Variants in DCLK1 observed in about 807,000 individuals in gnomAD.
DCLK1 encodes doublecortin like kinase 1.
In DCLK1, 16 loss-of-function variants were observed where a neutral mutation model predicts 86.2. The ratio of observed to expected loss-of-function variants is 0.19; its 90% confidence interval spans 0.13 to 0.28. DCLK1 has a LOEUF of 0.28. DCLK1 is among the 10% of genes least tolerant of loss of function. The pLI is 1.00. For missense variants in DCLK1, 590 were observed against 940.2 expected (o/e 0.63, Z 4.87); for synonymous variants, 369 against 370.5 (o/e 1.00, Z 0.05).
In DCLK1 at chr13:35,774,731, A is replaced by G. The variant is rs765730243; in HGVS notation, c.2059-32T>C. On this transcript the variant is annotated intron_variant, in intron 16 of 16. Coordinates refer to ENST00000360631, the MANE Select transcript of DCLK1 (RefSeq NM_001330071.2). Reference sequence around the variant, plus strand: ...GGGGCATAAAATGAGAAAGAGGACAATTAGGGCGAGGGAAATGGCAAAACA... The same window carrying G: ...GGGGCATAAAATGAGAAAGAGGACAGTTAGGGCGAGGGAAATGGCAAAACA... 7 of 1,597,994 alleles carry G rather than the reference A, an allele frequency of 4.4e-6. No homozygotes were observed. The East Asian group carries it at 1.6e-4, about 36-fold the overall frequency.
upstream of DCLK1, chr13:36,131,416 C>T (rs1886359476): frequency 5.2e-6 from 1 of 191,756 alleles, no homozygotes; most frequent in Non-Finnish European, 1.0e-5. Flanking sequence ...CTTTTCTTGT[C>T]TCACTCGCTC....
At chr13:35,810,352 C>T (rs2087117327) in intron 12 of DCLK1, among the ~76,000 whole-genome samples, 1 of 152,132 alleles carries the variant, frequency 6.6e-6, no homozygotes, top group African/African-American at 2.4e-5. Context: ...CCAGGAAATT[C>T]CCAATGGTCC....
chr13:36,097,813 C>T (rs996442471), intron 3 of DCLK1, among the ~76,000 whole-genome samples: 3 of 151,780 alleles, frequency 2.0e-5, no homozygotes, highest in Non-Finnish European at 4.4e-5. Flanking sequence ...AGCAGGCACA[C>T]CAATAAAGCT....
At chr13:35,903,828 T>C (rs758793044) in intron 4 of DCLK1, among the ~76,000 whole-genome samples, 1 of 152,240 alleles carries the variant, frequency 6.6e-6, no homozygotes, top group Non-Finnish European at 1.5e-5. Context: ...TTGTGATCCA[T>C]ATGCCAAAAG....
At chr13:35,867,966 A>AAAGAAAGG (rs1483381630) in intron 5 of DCLK1, among the ~76,000 whole-genome samples, 40 of 146,706 alleles carry the variant, frequency 2.7e-4, no homozygotes, top group African/African-American at 1.0e-3. Flanking sequence ...AGAAAGAAAG[A>AAAGAAAGG]GAAAAAGAAA....
At chr13:35,810,770 T>A (rs1363136575) in intron 12 of DCLK1, 65 bp downstream of exon 12, 4 of 1,582,596 alleles carry the variant, frequency 2.5e-6, no homozygotes, top group Admixed American at 1.8e-5. Context: ...GTACTATTTT[T>A]CCTATTCTCG....
chr13:35,930,621 C>CA (rs1377723653), intron 4 of DCLK1, among the ~76,000 whole-genome samples: 2 of 150,602 alleles, frequency 1.3e-5, no homozygotes, highest in African/African-American at 5.0e-5. Context: ...CAAACAAAAA[C>CA]AAACAAAAAC....
At chr13:35,974,914 A>G (rs1416669451) in intron 3 of DCLK1, among the ~76,000 whole-genome samples, 2 of 152,216 alleles carry the variant, frequency 1.3e-5, no homozygotes, top group Non-Finnish European at 1.5e-5. Flanking sequence ...GTACTTTGTT[A>G]TGGAGGCCCT....
intron 3 of DCLK1, among the ~76,000 whole-genome samples, chr13:35,994,355 G>C (rs1289860622): frequency 2.0e-5 from 3 of 152,144 alleles, no homozygotes; most frequent in Non-Finnish European, 4.4e-5. Flanking sequence ...TTCTTTTCTA[G>C]CTGTAAGCTT....
At chr13:35,846,847 C>A in intron 6 of DCLK1, 1 of 985,050 alleles carries the variant, frequency 1.0e-6, no homozygotes, top group South Asian at 4.7e-5. Context: ...TAGATATATA[C>A]ACACATACAG....
At chr13:35,900,242 CTT>C (rs71081294) in intron 4 of DCLK1, among the ~76,000 whole-genome samples, 1,515 of 141,842 alleles carry the variant, frequency 0.011, 36 homozygotes, top group African/African-American at 0.037. Flanking sequence ...ACTAAATAAA[CTT>C]TTTTTTTTTT....
At chr13:35,923,163 C>T (rs930122922) in intron 4 of DCLK1, among the ~76,000 whole-genome samples, 2 of 151,994 alleles carry the variant, frequency 1.3e-5, no homozygotes, top group African/African-American at 2.4e-5. Context: ...CGGGAAAGAC[C>T]CCTGGGTGGA....
intron 11 of DCLK1, among the ~76,000 whole-genome samples, chr13:35,816,467 A>T (rs769299997): frequency 3.4e-4 from 51 of 152,206 alleles, no homozygotes; most frequent in Non-Finnish European, 6.0e-4. Flanking sequence ...TAGTAATCCC[A>T]ACAGTTACTA....
chr13:35,962,803 TTTTACATTTA>T (rs1878525678), intron 3 of DCLK1, among the ~76,000 whole-genome samples: 1 of 152,190 alleles, frequency 6.6e-6, no homozygotes, highest in Non-Finnish European at 1.5e-5. Context: ...TCTTTATTCA[TTTTACATTTA>T]TGCCAGTTAT....
In DCLK1 at chr13:35,941,702, A is replaced by G. The variant is rs1593753238; in HGVS notation, c.823+5656T>C. Among the ~76,000 whole-genome samples, 4 of 152,340 alleles carry G rather than the reference A, an allele frequency of 2.6e-5. No individual in the cohort carries two copies. The South Asian group carries it at 6.2e-4, about 24-fold the overall frequency. On this transcript the variant is annotated intron_variant, in intron 4 of 16. Coordinates refer to ENST00000360631, the MANE Select transcript of DCLK1 (RefSeq NM_001330071.2). ...TTATAAACACAGCAAACATACAAAA[A>G]TCTGAAAGCTTGTTTACATTTCTTC... is the stretch of plus-strand genomic sequence containing the variant.
intron 3 of DCLK1, among the ~76,000 whole-genome samples, chr13:36,073,878 C>T (rs1566670293): frequency 6.6e-6 from 1 of 152,098 alleles, no homozygotes; most frequent in Non-Finnish European, 1.5e-5. Context: ...AATTACTATG[C>T]CTAAAAGCTT....
In DCLK1 at chr13:35,836,068, A is replaced by C; in HGVS notation, c.1194T>G (p.Asp398Glu). ...ERYKVGRTIGDGNFAVVKECV... is the reference protein window; with the variant it reads ...ERYKVGRTIGEGNFAVVKECV... ...ATTCCTTGACAACAGCAAAATTTCC[A>C]TCTCCTATTGTTCTTCCGACTTTAT... Residue 398 changes from aspartate to glutamate, a missense_variant, in exon 8 of 17, where the codon GAT becomes GAG. Coordinates refer to ENST00000360631, the MANE Select transcript of DCLK1 (RefSeq NM_001330071.2). 1 of 1,613,398 alleles carries C rather than the reference A, an allele frequency of 6.2e-7. No individual in the cohort carries two copies. The highest frequency in any genetic ancestry group is 8.5e-7 in the Non-Finnish European group (1 of 1,179,874).
rs115170367 is a variant in DCLK1, at chr13:36,123,275, T to A, written c.376+2487A>T. Among the ~76,000 whole-genome samples, 1,222 of 152,258 alleles carry A rather than the reference T, an allele frequency of 8.0e-3. 16 individuals carry two copies. The highest frequency in any genetic ancestry group is 0.028 in the African/African-American group (1,176 of 41,518). On this transcript the variant is annotated intron_variant, in intron 2 of 16. Coordinates refer to ENST00000360631, the MANE Select transcript of DCLK1 (RefSeq NM_001330071.2). Reference sequence around the variant, plus strand: ...AAAATGTAATTGACAAAGAGGCGAATCTAAATGAATTTCCAGCTATTTAAA... The same window carrying A: ...AAAATGTAATTGACAAAGAGGCGAAACTAAATGAATTTCCAGCTATTTAAA...
At chr13:36,032,767 CA>C (rs1355394351) in intron 3 of DCLK1, among the ~76,000 whole-genome samples, 1 of 152,324 alleles carries the variant, frequency 6.6e-6, no homozygotes, top group East Asian at 1.9e-4. Context: ...ACTCTCTCTG[CA>C]AAGGTTCTTT....
Sources: allele counts gnomAD v4.1 joint callset (sites outside exome capture counted in the v4.1 genomes callset), GRCh38; gene constraint gnomAD v4.1.1; transcripts MANE v1.5; gene names NCBI Gene and HGNC (gene_info 2026-07-23, HGNC 2026-07-21).